ABCA6: variants seen among roughly 807,000 people sequenced by gnomAD.
The protein encoded by ABCA6 is ATP-binding cassette sub-family A member 6.
ABCA6 carries 164 observed loss-of-function variants against 191.2 expected under a neutral mutation model. That is an observed-to-expected ratio of 0.86 (90% confidence interval 0.76 to 0.98). The LOEUF (loss-of-function observed/expected upper bound fraction) is 0.98. Ranked by LOEUF, ABCA6 falls within the 50% of genes least tolerant of loss-of-function variation. The pLI, the probability that ABCA6 is intolerant of heterozygous loss-of-function variation, is 0.00. For missense variants in ABCA6, 1,958 were observed against 1,894.1 expected (o/e 1.03, Z -0.63); for synonymous variants, 636 against 647.7 (o/e 0.98, Z 0.27).
In ABCA6 at chr17:69,084,934, C is replaced by T. The variant is rs929329900; in HGVS notation, c.4184+94G>A. The T allele has an allele frequency of 2.8e-6, 4 of 1,432,204 alleles. No homozygotes were observed. In the African/African-American group the frequency reaches 4.3e-5, roughly 15 times the overall value. The allele number at this position is 1,432,204 out of a possible 1,614,324, so 88.7% of individuals were successfully genotyped here. A position where few individuals can be genotyped will look rare whatever the true frequency, so the allele number is the denominator to read the frequency against. ...TGACACTCTGGAAAGGTGGAGATAG[C>T]ATATTGACTCTCGGTTCTTTATTAG... On this transcript the variant is annotated intron_variant, in intron 32 of 38. Coordinates refer to ENST00000284425, the MANE Select transcript of ABCA6 (RefSeq NM_080284.3).
At chr17:69,121,497 T>C (rs541464984) in intron 10 of ABCA6, among the ~76,000 whole-genome samples, 1 of 152,044 alleles carries the variant, frequency 6.6e-6, no homozygotes, top group Non-Finnish European at 1.5e-5. Flanking sequence ...GGTTTGTCAG[T>C]AGCCTCAGGT....
intron 6 of ABCA6, among the ~76,000 whole-genome samples, chr17:69,132,009 A>C (rs1287900043): frequency 6.6e-6 from 1 of 151,992 alleles, no homozygotes; most frequent in African/African-American, 2.4e-5. Context: ...CCACTGCAAA[A>C]ACTTCTTCTC....
chr17:69,105,878 G>T, intron 19 of ABCA6, 150 bp downstream of exon 19: 2 of 860,580 alleles, frequency 2.3e-6, no homozygotes, highest in South Asian at 1.9e-5. Context: ...TGAACATACA[G>T]GTATTCCCAC....
At chr17:69,084,574 C>G (rs1270281413) in intron 32 of ABCA6, 67 bp from the exon 33 acceptor site, 2 of 1,370,330 alleles carry the variant, frequency 1.5e-6, no homozygotes, top group Non-Finnish European at 1.0e-6. Context: ...GCACACAGAA[C>G]AGTAACAGCA....
At chr17:69,125,069 A>G in intron 8 of ABCA6, 34 bp from the exon 9 acceptor site, 2 of 1,090,300 alleles carry the variant, frequency 1.8e-6, no homozygotes, top group Non-Finnish European at 2.4e-6. Flanking sequence ...AATGTTTAAA[A>G]TAAATAAATA....
chr17:69,120,462 C>A (rs2073620079), intron 10 of ABCA6, among the ~76,000 whole-genome samples: 1 of 152,006 alleles, frequency 6.6e-6, no homozygotes, highest in Admixed American at 6.6e-5. Context: ...GATTGAATTT[C>A]ATGTACCTAT....
chr17:69,121,031 T>C (rs2073631406), intron 10 of ABCA6, among the ~76,000 whole-genome samples: 2 of 152,048 alleles, frequency 1.3e-5, no homozygotes, highest in Admixed American at 1.3e-4. Context: ...AGAGTTCCTT[T>C]GTATATAAAG....
At chr17:69,092,091 A>G (rs2072937840) in intron 25 of ABCA6, among the ~76,000 whole-genome samples, 1 of 152,132 alleles carries the variant, frequency 6.6e-6, no homozygotes, top group Admixed American at 6.6e-5. Flanking sequence ...ATTGTGATGG[A>G]CTTATTTTAT....
Position 69,134,745 on chromosome 17 carries a change from G to A in ABCA6, c.461-3C>T, listed in dbSNP as rs367693885. Reference sequence around the variant, plus strand: ...ACCATATCCATCCCAGCAATGAGCTGTAAGCACAAAGAAAAGCACAGCCAA... The same window carrying A: ...ACCATATCCATCCCAGCAATGAGCTATAAGCACAAAGAAAAGCACAGCCAA... On this transcript the variant is annotated splice_region_variant and splice_polypyrimidine_tract_variant and intron_variant, in intron 4 of 38. Coordinates refer to ENST00000284425, the MANE Select transcript of ABCA6 (RefSeq NM_080284.3). 57 of 1,604,620 alleles carry A rather than the reference G, an allele frequency of 3.6e-5. No homozygotes were observed. In the Middle Eastern group the frequency reaches 1.8e-3, roughly 51 times the overall value.
intron 2 of ABCA6, among the ~76,000 whole-genome samples, chr17:69,137,911 A>G (rs1035518055): frequency 6.6e-6 from 1 of 152,184 alleles, no homozygotes; most frequent in Non-Finnish European, 1.5e-5. Flanking sequence ...AGAAAATGAA[A>G]AGGAACTGGC....
intron 31 of ABCA6, 86 bp from the exon 32 acceptor site, chr17:69,085,268 T>C: frequency 7.6e-7 from 1 of 1,314,376 alleles, no homozygotes; most frequent in Non-Finnish European, 1.0e-6. Context: ...TATAAGCGTC[T>C]AAATTGTTTA....
chr17:69,129,862 T>C, intron 6 of ABCA6, 111 bp from the exon 7 acceptor site: 1 of 752,238 alleles, frequency 1.3e-6, no homozygotes, highest in South Asian at 1.9e-5. Context: ...ACCTTCTAGA[T>C]TAATAACTAT....
intron 13 of ABCA6, among the ~76,000 whole-genome samples, chr17:69,114,505 G>A (rs1299590628): frequency 3.3e-5 from 5 of 152,022 alleles, no homozygotes; most frequent in Non-Finnish European, 7.4e-5. Context: ...CATGGCACAT[G>A]TATACATATG....
intron 26 of ABCA6, among the ~76,000 whole-genome samples, chr17:69,090,182 G>T (rs1278221235): frequency 6.6e-6 from 1 of 152,214 alleles, no homozygotes. Flanking sequence ...CAATGGAGAT[G>T]TATTTTTGCA....
At chr17:69,087,277 C>A (rs913857973) in intron 29 of ABCA6, 76 bp downstream of exon 29, 2 of 1,556,152 alleles carry the variant, frequency 1.3e-6, no homozygotes, top group African/African-American at 2.7e-5. Flanking sequence ...CAAAATGAAA[C>A]CCAGTGTATC....
intron 25 of ABCA6, among the ~76,000 whole-genome samples, chr17:69,091,787 G>GA (rs2072929268): frequency 5.2e-5 from 1 of 19,266 alleles, no homozygotes; most frequent in East Asian, 3.8e-4. Context: ...CTCCCAAAGT[G>GA]CTGGGATTAC....
rs761565203 is a variant in ABCA6 at position 69,110,794 on chromosome 17, G to C, written c.2272+7C>G. The C allele has an allele frequency of 1.9e-6, 3 of 1,598,406 alleles. No homozygotes were observed. The highest frequency in any genetic ancestry group is 2.7e-5 in the African/African-American group (2 of 74,110). ...ATTTCATTTCATTGTAATCATAGTTGAGTTACCTGGAAATGTATTTGTCCT... is the reference window on the plus strand; with the variant it reads ...ATTTCATTTCATTGTAATCATAGTTCAGTTACCTGGAAATGTATTTGTCCT... On this transcript the variant is annotated splice_region_variant and intron_variant, in intron 17 of 38. Transcript: ENST00000284425.
intron 4 of ABCA6, chr17:69,135,694 T>A (rs560419344): frequency 3.7e-5 from 11 of 296,812 alleles, no homozygotes; most frequent in Admixed American, 1.5e-4. Context: ...TTAAACATCA[T>A]TTCCCCAGGT....
At chr17:69,099,300 G>A (rs1267528282) in intron 22 of ABCA6, among the ~76,000 whole-genome samples, 1 of 152,038 alleles carries the variant, frequency 6.6e-6, no homozygotes, top group Admixed American at 6.6e-5. Flanking sequence ...GACTTTGAGG[G>A]CTATGTCTAT....
Sources: allele counts gnomAD v4.1 joint callset (sites outside exome capture counted in the v4.1 genomes callset), GRCh38; gene constraint gnomAD v4.1.1; transcripts MANE v1.5; gene names NCBI Gene and HGNC (gene_info 2026-07-23, HGNC 2026-07-21).